DNAH2: variants seen among roughly 807,000 people sequenced by gnomAD.
DNAH2 encodes dynein axonemal heavy chain 2, also known as axonemal beta dynein heavy chain 2.
A neutral mutation model predicts 523.5 loss-of-function variants in DNAH2; 323 were observed. That is an observed-to-expected ratio of 0.62 (90% CI 0.56 to 0.68). The LOEUF is 0.68. Among genes scored for constraint, DNAH2 ranks in the 30% least tolerant of loss-of-function variants. DNAH2 has a pLI of 0.00. For synonymous variants in DNAH2, 2,093 were observed against 2,177.4 expected (o/e 0.96, Z 1.08); for missense variants, 4,907 against 5,701.5 (o/e 0.86, Z 4.49).
intron 7 of DNAH2, among the ~76,000 whole-genome samples, chr17:7,734,926 T>C (rs1193341286): frequency 6.6e-6 from 1 of 151,654 alleles, no homozygotes; most frequent in Non-Finnish European, 1.5e-5. Flanking sequence ...ATACATCAAG[T>C]ACCTTCTGTG....
intron 32 of DNAH2, among the ~76,000 whole-genome samples, chr17:7,777,186 C>A (rs937285545): frequency 1.3e-5 from 2 of 151,208 alleles, no homozygotes; most frequent in African/African-American, 2.4e-5. Context: ...GGGTGCTCTG[C>A]AAGTATGGGC....
At position 7,792,990 on chromosome 17, in the gene DNAH2, A is replaced by G. The variant is rs141301046; in HGVS notation, c.7354A>G (p.Asn2452Asp). 7 of 1,610,116 alleles carry G rather than the reference A, an allele frequency of 4.3e-6. No homozygotes were observed. Among genetic ancestry groups the G allele is most frequent in the African/African-American group, 4.0e-5 (3 of 74,858 alleles). Residue 2452 changes from asparagine (N) to aspartate (D), a missense_variant, in exon 48 of 86, where the codon AAT becomes GAT. Asn to Asp is a conservative substitution (Grantham distance 23). Coordinates refer to ENST00000572933, the MANE Select transcript of DNAH2 (RefSeq NM_020877.5). ...VVNMSAQTTS[N>D]NVQSIIESRV... The stretch of plus-strand genomic sequence containing the variant: ...GGTACCTTTTCACCAGACCACATCC[A>G]ATAACGTGCAGAGCATCATTGAGAG...
At chr17:7,777,383 G>A in intron 32 of DNAH2, 63 bp from the exon 33 acceptor site, 4 of 1,586,824 alleles carry the variant, frequency 2.5e-6, no homozygotes, top group South Asian at 1.1e-5. Flanking sequence ...GTAGGGGCAA[G>A]GGTTGATCAG....
intron 29 of DNAH2, 28 bp from the exon 30 acceptor site, chr17:7,775,213 G>GGCTCTGAGTAGCTTCT: frequency 1.2e-6 from 2 of 1,604,002 alleles, no homozygotes; most frequent in Non-Finnish European, 1.7e-6. Flanking sequence ...GGGCAGGCCA[G>GGCTCTGAGTAGCTTCT]GCTCTGAGTA....
chr17:7,768,934 C>T (rs1040740027), intron 24 of DNAH2, among the ~76,000 whole-genome samples: 1 of 152,216 alleles, frequency 6.6e-6, no homozygotes, highest in Admixed American at 6.5e-5. Flanking sequence ...ACATTTTCAT[C>T]CTCCATTCAT....
chr17:7,751,259 A>G (rs1211946367), intron 12 of DNAH2, among the ~76,000 whole-genome samples: 1 of 151,778 alleles, frequency 6.6e-6, no homozygotes, highest in Non-Finnish European at 1.5e-5. Flanking sequence ...TTTCTGGCTA[A>G]TTTTTGGATT....
intron 22 of DNAH2, among the ~76,000 whole-genome samples, chr17:7,767,164 C>T (rs2076193218): frequency 1.4e-5 from 2 of 138,852 alleles, no homozygotes; most frequent in South Asian, 5.2e-4. Context: ...ACACTTCATA[C>T]AAATGGAACC....
chr17:7,752,194 C>CACACACAA (rs1260874729), intron 12 of DNAH2, among the ~76,000 whole-genome samples: 1 of 151,556 alleles, frequency 6.6e-6, no homozygotes, highest in African/African-American at 2.4e-5. Context: ...CACACACACA[C>CACACACAA]AATTTCTGAT....
At position 7,734,675 on chromosome 17, in the gene DNAH2, G is replaced by C. The variant is rs764526593; in HGVS notation, c.945G>C (p.Leu315Phe). 18 of 1,612,636 alleles carry C rather than the reference G, an allele frequency of 1.1e-5. No homozygotes were observed. Among genetic ancestry groups the C allele is most frequent in the Non-Finnish European group, 1.3e-5 (15 of 1,179,850 alleles). ...TGCACCTTGCCAAGTCGTCCTACTT[G>C]GCGCCCTTTATGAAACTGGCACAGC... ...SILHLAKSSY[L>F]APFMKLAQQI... is the part of the protein sequence containing the mutation. Residue 315 changes from leucine to phenylalanine, a missense_variant, in exon 7 of 86, where the codon TTG (leucine) becomes TTC (phenylalanine). Physicochemically the swap from Leu to Phe is conservative, Grantham distance 22. Coordinates refer to ENST00000572933, the MANE Select transcript of DNAH2 (RefSeq NM_020877.5).
chr17:7,804,338 G>A lies in DNAH2; in HGVS notation c.9055G>A (p.Glu3019Lys). The stretch of plus-strand genomic sequence containing the variant: ...CTTGTTCAAGATCGACGAAACTAGG[G>A]AAAAGGTGCAAGTGATGTCGTTGGA... ...TGLFKIDETREKVQVMSLELE... is the reference protein window; with the variant it reads ...TGLFKIDETRKKVQVMSLELE... The change falls in exon 59 of 86, where the codon GAA (glutamate) becomes AAA (lysine). Residue 3019 changes from glutamate to lysine, a missense_variant. Physicochemically the swap from Glu to Lys is moderately conservative, Grantham distance 56. This residue lies in a region of DNAH2 where 1,851 missense variants were observed against 2,139.4 expected (regional missense o/e 0.87). Coordinates refer to ENST00000572933, the MANE Select transcript of DNAH2 (RefSeq NM_020877.5). The A allele has an allele frequency of 1.9e-6, 3 of 1,614,222 alleles. No homozygotes were observed. Among genetic ancestry groups the A allele is most frequent in the Non-Finnish European group, 1.7e-6 (2 of 1,180,054 alleles).
Position 7,774,211 on chromosome 17 carries a change from C to G in DNAH2, c.4502-548C>G, listed in dbSNP as rs148491182. Among the ~76,000 whole-genome samples, 9 of 152,292 alleles carry G rather than the reference C, an allele frequency of 5.9e-5. No homozygotes were observed. The South Asian group carries it at 1.7e-3, about 28-fold the overall frequency. ...TTAAGTGACATTAGGGTCACTTGAACACAGGCACTGCTGTGATGTCGCAAC... is the reference window on the plus strand; with the variant it reads ...TTAAGTGACATTAGGGTCACTTGAAGACAGGCACTGCTGTGATGTCGCAAC... On this transcript the variant is annotated intron_variant, in intron 28 of 85. Transcript: ENST00000572933.
chr17:7,807,750 G>A lies in DNAH2; in HGVS notation c.9729+164G>A, dbSNP rs2077406270. On this transcript the variant is annotated intron_variant, in intron 63 of 85. Coordinates refer to ENST00000572933, the MANE Select transcript of DNAH2 (RefSeq NM_020877.5). This position sits in a 1 kb window ranked among gnomAD's most constrained non-coding sequence, Gnocchi z 5.6. ...CTCTGTGCCCTGTTTAGACTGGGCT[G>A]CCTCTGGCTCAGAAAGCTAAGTCAA... Among the ~76,000 whole-genome samples, 1 of 152,120 alleles carries A rather than the reference G, an allele frequency of 6.6e-6. No individual in the cohort carries two copies. The highest frequency in any genetic ancestry group is 2.4e-5 in the African/African-American group (1 of 41,428).
intron 2 of DNAH2, among the ~76,000 whole-genome samples, 195 bp downstream of exon 2, chr17:7,720,095 C>A (rs2074554691): frequency 6.6e-6 from 1 of 152,136 alleles, no homozygotes; most frequent in Non-Finnish European, 1.5e-5. Context: ...TCCTGGCCAG[C>A]CTCATCCTTG....
intron 7 of DNAH2, 32 bp from the exon 8 acceptor site, chr17:7,737,035 T>C: frequency 6.3e-7 from 1 of 1,586,410 alleles, no homozygotes; most frequent in Non-Finnish European, 8.6e-7. Context: ...TTCTAGTGCA[T>C]AAATCTATTT....
rs746509223 is a variant in DNAH2, at chr17:7,770,269, G to A, written c.3959G>A (p.Arg1320Gln). ...GGCTGCAGGCACTGGGACCAGGTCC[G>A]GGATGAGATCCAGCGGGAGTTTGAT... is the stretch of plus-strand genomic sequence containing the variant. ...ALRERHWDQVRDEIQREFDQE... is the reference protein window; with the variant it reads ...ALRERHWDQVQDEIQREFDQE... Residue 1320 changes from arginine (R) to glutamine (Q), a missense_variant, in exon 25 of 86, where the codon CGG becomes CAG. By Grantham distance (43) the Arg-to-Gln change is conservative. Coordinates refer to ENST00000572933, the MANE Select transcript of DNAH2 (RefSeq NM_020877.5). 6.8e-6 allele frequency: 11 copies of A among 1,610,208 alleles called. No individual in the cohort carries two copies. The East Asian group carries it at 8.9e-5, about 13-fold the overall frequency.
intron 18 of DNAH2, among the ~76,000 whole-genome samples, chr17:7,762,114 C>T (rs923855079): frequency 1.3e-5 from 2 of 152,118 alleles, no homozygotes; most frequent in African/African-American, 4.8e-5. Flanking sequence ...TATTACACTA[C>T]CTACCTTGGA....
rs2075975121 is a variant in DNAH2 at position 7,760,470 on chromosome 17, A to G, written c.2786-270A>G. Among the ~76,000 whole-genome samples, 1 of 151,900 alleles carries G rather than the reference A, an allele frequency of 6.6e-6. No individual in the cohort carries two copies. The highest frequency in any genetic ancestry group is 1.5e-5 in the Non-Finnish European group (1 of 68,008). The stretch of plus-strand genomic sequence containing the variant: ...TGGGTTTTGGGATTTGGGATGGGAG[A>G]TGAGGAAAGACAAGCTTGGGACTGG... On this transcript the variant is annotated intron_variant, in intron 17 of 85. Transcript: ENST00000572933. This position sits in a 1 kb window ranked among gnomAD's most constrained non-coding sequence, Gnocchi z 4.0.
At position 7,832,336 on chromosome 17, in the gene DNAH2, C is replaced by T. The variant is rs942438691; in HGVS notation, c.12727-243C>T. Among the ~76,000 whole-genome samples, 6 of 151,926 alleles carry T rather than the reference C, an allele frequency of 3.9e-5. No individual in the cohort carries two copies. Among genetic ancestry groups the T allele is most frequent in the African/African-American group, 7.3e-5 (3 of 41,330 alleles). Reference sequence around the variant, plus strand: ...CAGCCTGGTCAACATGGTGAAACCCCGTCTCTACTAAAAAAATACAAAAAT... The same window carrying T: ...CAGCCTGGTCAACATGGTGAAACCCTGTCTCTACTAAAAAAATACAAAAAT... On this transcript the variant is annotated intron_variant, in intron 82 of 85. Coordinates refer to ENST00000572933, the MANE Select transcript of DNAH2 (RefSeq NM_020877.5). The surrounding 1 kb of genome is among the most constrained non-coding windows in gnomAD (Gnocchi z 4.3).
In DNAH2 at chr17:7,805,081, G is replaced by C; in HGVS notation, c.9300+7G>C. ...CCTGGAAGAGGCCATGCGGGTACCA[G>C]GGGCGGGTGCAAGGATGGGAGCCAG... On this transcript the variant is annotated splice_region_variant and intron_variant, in intron 60 of 85. Coordinates refer to ENST00000572933, the MANE Select transcript of DNAH2 (RefSeq NM_020877.5). 1 of 1,612,304 alleles carries C rather than the reference G, an allele frequency of 6.2e-7. No homozygotes were observed. Among genetic ancestry groups the C allele is most frequent in the African/African-American group, 1.3e-5 (1 of 75,006 alleles).
Sources: allele counts gnomAD v4.1 joint callset (sites outside exome capture counted in the v4.1 genomes callset), GRCh38; gene constraint gnomAD v4.1.1; regional missense constraint gnomAD v4.1.1; non-coding constraint Gnocchi (gnomAD v3.1); transcripts MANE v1.5; gene names NCBI Gene and HGNC (gene_info 2026-07-23, HGNC 2026-07-21).